TFDP2: variants seen among roughly 807,000 people sequenced by gnomAD.
TFDP2 encodes transcription factor Dp-2, also known as transcription factor Dp-2 (E2F dimerization partner 2).
Under a neutral mutation model 59.3 loss-of-function variants are expected in TFDP2, and 17 were observed. The observed-to-expected ratio is 0.29, with a 90% CI of 0.20 to 0.43. TFDP2 has a LOEUF of 0.43. Among genes scored for constraint, TFDP2 ranks in the 20% least tolerant of loss-of-function variants. The probability of loss-of-function intolerance (pLI) is 1.00; values close to 1 mark genes in which losing one functional copy is unlikely to be tolerated. For synonymous variants in TFDP2, 180 were observed against 194.7 expected (o/e 0.92, Z 0.63); for missense variants, 391 against 528.8 (o/e 0.74, Z 2.56).
chr3:141,987,873 T>G (rs1942290552), intron 6 of TFDP2, among the ~76,000 whole-genome samples: 1 of 149,176 alleles, frequency 6.7e-6, no homozygotes, highest in African/African-American at 2.5e-5. Flanking sequence ...CAGGAGGCAG[T>G]GGTTGCAGTG....
At chr3:142,080,211 C>T (rs574595257) in intron 3 of TFDP2, among the ~76,000 whole-genome samples, 18 of 152,164 alleles carry the variant, frequency 1.2e-4, no homozygotes, top group Admixed American at 4.6e-4. Flanking sequence ...GTGATCTGCC[C>T]GCCTCAGCCT....
chr3:142,107,295 AAT>A (rs2061506323), intron 1 of TFDP2, among the ~76,000 whole-genome samples: 1 of 149,936 alleles, frequency 6.7e-6, no homozygotes, highest in Non-Finnish European at 1.5e-5. Flanking sequence ...GCAGTTGCTC[AAT>A]CTCAGCTCAC....
intron 3 of TFDP2, chr3:142,044,169 G>A (rs769694056): frequency 2.1e-5 from 11 of 527,172 alleles, no homozygotes; most frequent in East Asian, 2.0e-4. Context: ...CAGAAGAGGC[G>A]AGCCTCTTCT....
At chr3:142,145,839 G>A (rs570806318) in intron 1 of TFDP2, among the ~76,000 whole-genome samples, 10 of 152,180 alleles carry the variant, frequency 6.6e-5, no homozygotes, top group African/African-American at 2.2e-4. Context: ...TAAAGAAAAC[G>A]AAGCATATAA....
At chr3:142,042,337 G>A (rs1277618004) in intron 3 of TFDP2, among the ~76,000 whole-genome samples, 3 of 151,880 alleles carry the variant, frequency 2.0e-5, no homozygotes, top group Non-Finnish European at 2.9e-5. Flanking sequence ...CTGTCACCAG[G>A]CTGGAGTGTT....
chr3:141,967,344 G>T (rs1938269592), intron 9 of TFDP2, among the ~76,000 whole-genome samples: 1 of 151,276 alleles, frequency 6.6e-6, no homozygotes, highest in South Asian at 2.1e-4. Context: ...CCAGGCTAGG[G>T]TGCAGTGGGG....
chr3:142,103,416 A>G (rs1173808325), intron 1 of TFDP2, among the ~76,000 whole-genome samples: 3 of 151,812 alleles, frequency 2.0e-5, no homozygotes, highest in African/African-American at 7.3e-5. Context: ...TCAATGTTAC[A>G]TTTCCTGACT....
At chr3:142,022,315 T>A (rs1350144151) in intron 3 of TFDP2, among the ~76,000 whole-genome samples, 1 of 152,264 alleles carries the variant, frequency 6.6e-6, no homozygotes, top group Non-Finnish European at 1.5e-5. Context: ...CTGGTAAGAC[T>A]CTTTGTTCAA....
chr3:142,060,628 G>C (rs952395993), intron 3 of TFDP2, among the ~76,000 whole-genome samples: 10 of 152,052 alleles, frequency 6.6e-5, no homozygotes, highest in Non-Finnish European at 1.5e-4. Context: ...GTGTGTGGAG[G>C]GGGGCAGTTT....
rs947715185 is a variant in TFDP2, at chr3:142,117,988, C to T, written c.-92-16147G>A. On this transcript the variant is annotated intron_variant, in intron 1 of 12. Coordinates refer to ENST00000489671, the MANE Select transcript of TFDP2 (RefSeq NM_001178139.2). The stretch of plus-strand genomic sequence containing the variant: ...TGGCATGCGCCTGTAATCCCAGCTA[C>T]TCGGGAGGCTGAGGCAAAAGAATCC... Among the ~76,000 whole-genome samples, 83 of 152,084 alleles carry T rather than the reference C, an allele frequency of 5.5e-4. 1 individual carries two copies. Among genetic ancestry groups the T allele is most frequent in the Non-Finnish European group, 2.1e-4 (14 of 68,018 alleles).
intron 3 of TFDP2, chr3:142,043,981 C>A: frequency 1.4e-6 from 1 of 720,628 alleles, no homozygotes. Flanking sequence ...ACTGTGCCTG[C>A]CTTCCGGCGG....
intron 3 of TFDP2, among the ~76,000 whole-genome samples, chr3:142,043,347 G>A (rs1021106844): frequency 9.9e-5 from 15 of 151,286 alleles, no homozygotes; most frequent in African/African-American, 2.9e-4. Context: ...GCGCCCGGCC[G>A]CTTATTTTTA....
At chr3:141,964,960 A>C (rs1366621618) in intron 9 of TFDP2, among the ~76,000 whole-genome samples, 1 of 152,166 alleles carries the variant, frequency 6.6e-6, no homozygotes, top group Non-Finnish European at 1.5e-5. Context: ...TCAAAAGCCA[A>C]AGAAAGTGAT....
chr3:142,084,005 C>T (rs900260610), intron 3 of TFDP2, among the ~76,000 whole-genome samples: 5 of 152,018 alleles, frequency 3.3e-5, no homozygotes, highest in Admixed American at 6.6e-5. Context: ...TGGACAAATG[C>T]GAACATACCA....
At chr3:142,088,675 A>G (rs1328891257) in intron 3 of TFDP2, among the ~76,000 whole-genome samples, 1 of 148,988 alleles carries the variant, frequency 6.7e-6, no homozygotes, top group Admixed American at 6.7e-5. Context: ...CAATTGTGCA[A>G]TCATAGCTCA....
intron 3 of TFDP2, among the ~76,000 whole-genome samples, chr3:142,016,858 T>C (rs1355353531): frequency 6.6e-6 from 1 of 152,194 alleles, no homozygotes; most frequent in Non-Finnish European, 1.5e-5. Context: ...CTCAGTTAGC[T>C]TGAGTCCTTA....
chr3:141,956,344 G>C (rs989497886), intron 11 of TFDP2, among the ~76,000 whole-genome samples: 2 of 152,134 alleles, frequency 1.3e-5, no homozygotes, highest in African/African-American at 4.8e-5. Context: ...CTGAGGTCAG[G>C]AGTTCGAGAC....
chr3:141,954,527 C>T (rs574341886), intron 11 of TFDP2, among the ~76,000 whole-genome samples: 34 of 151,880 alleles, frequency 2.2e-4, no homozygotes, highest in Admixed American at 5.9e-4. Flanking sequence ...ATCCCAGCTA[C>T]TAGAGAGACT....
intron 3 of TFDP2, among the ~76,000 whole-genome samples, chr3:142,017,390 CA>C (rs1400465166): frequency 6.6e-6 from 1 of 152,038 alleles, no homozygotes; most frequent in East Asian, 1.9e-4. Flanking sequence ...AGTATATATA[CA>C]AATTCATAAA....
Sources: allele counts gnomAD v4.1 joint callset (sites outside exome capture counted in the v4.1 genomes callset), GRCh38; gene constraint gnomAD v4.1.1; transcripts MANE v1.5; gene names NCBI Gene and HGNC (gene_info 2026-07-23, HGNC 2026-07-21).